Variants in TEX15 observed in about 807,000 individuals in gnomAD.
TEX15 encodes the protein testis expressed 15, meiosis and synapsis associated.
TEX15 carries 171 observed loss-of-function variants against 237.3 expected under a neutral mutation model. The observed-to-expected ratio is 0.72, with a 90% CI of 0.64 to 0.82. TEX15 has a LOEUF of 0.82. Ranked by LOEUF, TEX15 falls within the 40% of genes least tolerant of loss-of-function variation. TEX15 has a pLI of 0.00. For missense variants in TEX15, 3,750 were observed against 3,646.5 expected, an observed-to-expected ratio of 1.03 and a Z score of -0.73; for synonymous variants, 1,338 against 1,269.8, an observed-to-expected ratio of 1.05 and a Z score of -1.14.
At chr8:30,904,057 G>A (rs938892700) in intron 1 of TEX15, among the ~76,000 whole-genome samples, 1 of 152,080 alleles carries the variant, frequency 6.6e-6, no homozygotes, top group African/African-American at 2.4e-5. Context: ...AAAGACATTA[G>A]GGAAATACAA....
chr8:30,910,592 T>G (rs1352800076), intron 1 of TEX15, among the ~76,000 whole-genome samples: 2 of 150,344 alleles, frequency 1.3e-5, no homozygotes, highest in African/African-American at 4.9e-5. Flanking sequence ...ACCAAAGGCT[T>G]GCACCACCAC....
Position 30,844,162 on chromosome 8 carries a change from T to A in TEX15, c.6005A>T (p.Gln2002Leu). The change falls in exon 8 of 11, where the codon CAA becomes CTA. Residue 2002 changes from glutamine to leucine, a missense_variant. Coordinates refer to ENST00000643185, the MANE Select transcript of TEX15 (RefSeq NM_001350162.2). ...TGCTTCATCTGCCCTCTGCAAAATT[T>A]GAGATAGATTAGCTATAAGGGCCGT... ...NHTALIANLS[Q>L]ILQRADEASS... is the part of the protein sequence containing the mutation. 1.9e-6 allele frequency: 3 copies of A among 1,613,076 alleles called. No homozygotes were observed. Among genetic ancestry groups the A allele is most frequent in the Non-Finnish European group, 2.5e-6 (3 of 1,179,508 alleles).
rs774882276 is a variant in TEX15, at chr8:30,860,010, AT to A, written c.587del (p.Asn196IlefsTer22). On this transcript the variant is annotated frameshift_variant, in exon 6 of 11. Transcript: ENST00000643185. LOFTEE classifies it high-confidence loss of function. The part of the protein sequence containing the change: ...VKKIQPSVDK[N>X]KVSLDPSPNF... ...TAGGAGAAGGATCCAAAGAAACTTT[AT>A]TTTTATCCACAGAAGGTTGGATTTT... 1 of 1,508,382 alleles carries A rather than the reference AT, an allele frequency of 6.6e-7. No homozygotes were observed. Among genetic ancestry groups the A allele is most frequent in the South Asian group, 1.3e-5 (1 of 77,582 alleles). The allele number at this position is 1,508,382 out of a possible 1,614,324, so 93.4% of individuals were successfully genotyped here. A position where few individuals can be genotyped will look rare whatever the true frequency, so the allele number is the denominator to read the frequency against.
chr8:30,874,802 G>C, intron 4 of TEX15, 135 bp downstream of exon 4: 2 of 503,226 alleles, frequency 4.0e-6, no homozygotes, highest in Non-Finnish European at 6.2e-6. Flanking sequence ...AAGACTATGA[G>C]AATGTAACAA....
rs1808404882 is a variant in TEX15 at position 30,876,663 on chromosome 8, CTG to C, written c.137-1563_137-1562del. Among the ~76,000 whole-genome samples the C allele has an allele frequency of 7.2e-5, 11 of 152,266 alleles. No individual in the cohort carries two copies. The South Asian group carries it at 2.1e-3, about 29-fold the overall frequency. ...GAAGCTTACCTAAAATGTGTTTTCT[CTG>C]TAAGGCATATCATAACCTTCTTGAC... On this transcript the variant is annotated intron_variant, in intron 3 of 10. Coordinates refer to ENST00000643185, the MANE Select transcript of TEX15 (RefSeq NM_001350162.2).
intron 2 of TEX15, among the ~76,000 whole-genome samples, chr8:30,898,538 C>T (rs1351732222): frequency 2.0e-5 from 3 of 151,934 alleles, no homozygotes; most frequent in African/African-American, 4.8e-5. Flanking sequence ...TGTAGTGGCC[C>T]GAGTAGATTA....
At chr8:30,852,506 T>C (rs943858986) in intron 7 of TEX15, among the ~76,000 whole-genome samples, 2 of 152,192 alleles carry the variant, frequency 1.3e-5, no homozygotes, top group Non-Finnish European at 2.9e-5. Context: ...CTCTATATTA[T>C]GCTATCTCTT....
chr8:30,836,517 G>A (rs1199515133), intron 10 of TEX15, among the ~76,000 whole-genome samples: 1 of 152,028 alleles, frequency 6.6e-6, no homozygotes, highest in African/African-American at 2.4e-5. Context: ...CAGCCCCACT[G>A]TATCGATTAA....
intron 1 of TEX15, among the ~76,000 whole-genome samples, chr8:30,900,229 G>A (rs1808982621): frequency 6.6e-6 from 1 of 152,156 alleles, no homozygotes; most frequent in African/African-American, 2.4e-5. Flanking sequence ...TTGTCTAAGA[G>A]ACCCAAAGAA....
At chr8:30,889,257 T>C (rs1808731617) in intron 2 of TEX15, among the ~76,000 whole-genome samples, 1 of 152,038 alleles carries the variant, frequency 6.6e-6, no homozygotes, top group Admixed American at 6.6e-5. Context: ...TTGAGACCAG[T>C]TTGGCCAATA....
At chr8:30,879,866 G>A (rs1808480649) in intron 3 of TEX15, among the ~76,000 whole-genome samples, 1 of 151,344 alleles carries the variant, frequency 6.6e-6, no homozygotes, top group Non-Finnish European at 1.5e-5. Context: ...GTGAACTGAT[G>A]TCATTATGTT....
intron 4 of TEX15, among the ~76,000 whole-genome samples, chr8:30,872,433 T>C (rs1484353390): frequency 6.6e-6 from 1 of 152,144 alleles, no homozygotes; most frequent in Non-Finnish European, 1.5e-5. Context: ...TACACAATAC[T>C]TGTTAATAAT....
chr8:30,876,481 T>C (rs185920763), intron 3 of TEX15, among the ~76,000 whole-genome samples: 3 of 152,320 alleles, frequency 2.0e-5, no homozygotes, highest in African/African-American at 7.2e-5. Flanking sequence ...CGAAATCTCA[T>C]GAATCTATAA....
At chr8:30,898,879 CA>C (rs1808956086) in intron 1 of TEX15, 62 bp from the exon 2 acceptor site, 1 of 151,958 alleles carries the variant, frequency 6.6e-6, no homozygotes, top group Non-Finnish European at 1.5e-5. Flanking sequence ...TCCCCCAGCC[CA>C]ATAATTATCT....
At chr8:30,861,478 A>C (rs1808049796) in intron 5 of TEX15, among the ~76,000 whole-genome samples, 1 of 152,174 alleles carries the variant, frequency 6.6e-6, no homozygotes, top group African/African-American at 2.4e-5. Context: ...AATCAAAACA[A>C]TACTAAGAAT....
intron 10 of TEX15, 131 bp from the exon 11 acceptor site, chr8:30,833,454 A>G (rs1299224001): frequency 1.7e-6 from 1 of 600,528 alleles, no homozygotes; most frequent in Non-Finnish European, 2.8e-6. Flanking sequence ...TTAAGTAGCC[A>G]TAGGGTCATC....
At chr8:30,834,611 T>C (rs1807250888) in intron 10 of TEX15, among the ~76,000 whole-genome samples, 1 of 152,236 alleles carries the variant, frequency 6.6e-6, no homozygotes, top group Admixed American at 6.5e-5. Context: ...ACATACCTTA[T>C]GTGAGAAAAG....
chr8:30,891,680 G>A (rs1808798774), intron 2 of TEX15, among the ~76,000 whole-genome samples: 1 of 151,634 alleles, frequency 6.6e-6, no homozygotes, highest in Non-Finnish European at 1.5e-5. Flanking sequence ...CACCATGTTG[G>A]CCAGGCTGGT....
chr8:30,835,557 G>C (rs2128765788), intron 10 of TEX15, among the ~76,000 whole-genome samples: 1 of 152,212 alleles, frequency 6.6e-6, no homozygotes, highest in South Asian at 2.1e-4. Flanking sequence ...CTAGGTGACA[G>C]AATGAGACCC....
Sources: gnomAD v4.1 joint callset for allele counts (sites outside exome capture counted in the v4.1 genomes callset) on GRCh38, gnomAD v4.1.1 for gene constraint, MANE v1.5 for transcripts, NCBI Gene and HGNC (gene_info 2026-07-23, HGNC 2026-07-21) for gene names.